The following LAMA2 variants were observed in gnomAD, a reference collection of about 807,000 sequenced individuals.
LAMA2 encodes laminin subunit alpha-2.
LAMA2 carries 269 observed loss-of-function variants against 364.8 expected under a neutral mutation model. That is an observed-to-expected ratio of 0.74 (90% CI 0.67 to 0.82). LAMA2 has a LOEUF of 0.82. Among genes scored for constraint, LAMA2 ranks in the 40% least tolerant of loss-of-function variants. The pLI, the probability that LAMA2 is intolerant of heterozygous loss-of-function variation, is 0.00. For synonymous variants in LAMA2, 1,379 were observed against 1,370.6 expected, an observed-to-expected ratio of 1.01 and a Z score of -0.14; for missense variants, 3,807 against 3,873.2, an observed-to-expected ratio of 0.98 and a Z score of 0.45.
intron 40 of LAMA2, among the ~76,000 whole-genome samples, chr6:129,408,406 C>T (rs1282546146): frequency 6.6e-6 from 1 of 152,172 alleles, no homozygotes; most frequent in East Asian, 1.9e-4. Flanking sequence ...TGAGCATGAG[C>T]CCAGTGCTGC....
At chr6:129,009,624 A>C (rs1460225672) in intron 1 of LAMA2, among the ~76,000 whole-genome samples, 1 of 152,224 alleles carries the variant, frequency 6.6e-6, no homozygotes, top group Non-Finnish European at 1.5e-5. Context: ...TCAGGGCCAG[A>C]GGACAAAAAC....
intron 8 of LAMA2, among the ~76,000 whole-genome samples, chr6:129,156,473 G>A (rs1779121006): frequency 6.7e-6 from 1 of 149,852 alleles, no homozygotes. Context: ...TAATGTAATT[G>A]TTAAAGAATT....
chr6:129,112,127 TATC>T (rs1393315626), intron 4 of LAMA2, among the ~76,000 whole-genome samples: 1 of 152,026 alleles, frequency 6.6e-6, no homozygotes, highest in Non-Finnish European at 1.5e-5. Flanking sequence ...TTACAGCACT[TATC>T]TACTACTCTC....
chr6:129,170,768 G>T (rs1451691000), intron 9 of LAMA2, among the ~76,000 whole-genome samples: 1 of 151,808 alleles, frequency 6.6e-6, no homozygotes, highest in Middle Eastern at 3.4e-3. Flanking sequence ...AATGTTGACA[G>T]TGGGGTGTTA....
chr6:129,286,976 A>AGG (rs1562418187), intron 18 of LAMA2, among the ~76,000 whole-genome samples: 2 of 107,478 alleles, frequency 1.9e-5, no homozygotes, highest in Non-Finnish European at 3.6e-5. Context: ...AAAGAAACAG[A>AGG]GAGGAAGGAA....
At position 129,119,350 on chromosome 6, in the gene LAMA2, T is replaced by A. The variant is rs142290982; in HGVS notation, c.639+20935T>A. On this transcript the variant is annotated intron_variant, in intron 4 of 64. Transcript: ENST00000421865. ...CACTGAAATGTAATTATACTGCAAA[T>A]TATTTATCATATCTCCACTGACGGT... is the stretch of plus-strand genomic sequence containing the variant. Among the ~76,000 whole-genome samples, 1,191 of 152,208 alleles carry A rather than the reference T, an allele frequency of 7.8e-3. 6 individuals are homozygous for A. The highest frequency in any genetic ancestry group is 0.011 in the Non-Finnish European group (769 of 67,988).
chr6:129,437,889 A>G (rs1228826425), intron 41 of LAMA2, among the ~76,000 whole-genome samples: 5 of 151,902 alleles, frequency 3.3e-5, no homozygotes, highest in Non-Finnish European at 5.9e-5. Flanking sequence ...ACTCGAATTT[A>G]AACTGCTTAG....
intron 1 of LAMA2, among the ~76,000 whole-genome samples, chr6:129,019,392 A>G (rs1785273632): frequency 6.6e-6 from 1 of 151,482 alleles, no homozygotes; most frequent in Non-Finnish European, 1.5e-5. Context: ...AACTCCCATG[A>G]GTCAAATTTT....
intron 19 of LAMA2, 102 bp from the exon 20 acceptor site, chr6:129,291,512 A>G: frequency 2.5e-6 from 2 of 808,928 alleles, no homozygotes; most frequent in Non-Finnish European, 4.2e-6. Flanking sequence ...CTGTTACTGA[A>G]CTTAGGCGTC....
chr6:129,034,857 A>G (rs1473321453), intron 1 of LAMA2, among the ~76,000 whole-genome samples: 1 of 152,044 alleles, frequency 6.6e-6, no homozygotes, highest in Non-Finnish European at 1.5e-5. Flanking sequence ...ACCACACCAC[A>G]TTTTCTTTGT....
Position 129,206,106 on chromosome 6 carries a change from GAGGAAGGAAGGAAGGA to G in LAMA2, c.1782+13299_1782+13314del, listed in dbSNP as rs71028149. ...GGAGGAAGGAAGGGAGGGAGGGAGG[GAGGAAGGAAGGAAGGA>G]AGGAAGGAAGGAAGGAAGGAAGGAA... On this transcript the variant is annotated intron_variant, in intron 12 of 64. Transcript: ENST00000421865. Among the ~76,000 whole-genome samples the G allele has an allele frequency of 5.7e-3, 541 of 94,618 alleles. 11 individuals carry two copies. The highest frequency in any genetic ancestry group is 0.018 in the African/African-American group (416 of 22,688). The allele number at this position is 94,618 out of a possible 152,430, so 62.1% of individuals were successfully genotyped here.
intron 1 of LAMA2, among the ~76,000 whole-genome samples, chr6:129,032,094 A>C (rs988133593): frequency 6.6e-5 from 10 of 152,204 alleles, no homozygotes; most frequent in Non-Finnish European, 1.0e-4. Flanking sequence ...CTGGGATTAC[A>C]GGCGTGAGCC....
chr6:129,304,359 G>T (rs1032491370), intron 22 of LAMA2, among the ~76,000 whole-genome samples: 5 of 152,080 alleles, frequency 3.3e-5, no homozygotes, highest in South Asian at 2.1e-4. Context: ...CGCCTCCCGG[G>T]TTCACGCCAT....
intron 12 of LAMA2, among the ~76,000 whole-genome samples, chr6:129,198,376 G>T (rs572271412): frequency 6.6e-6 from 1 of 152,288 alleles, no homozygotes; most frequent in African/African-American, 2.4e-5. Context: ...TTACAATCCA[G>T]ATGTGTCTAT....
chr6:129,255,197 G>C (rs1159945245), intron 14 of LAMA2, among the ~76,000 whole-genome samples: 2 of 151,850 alleles, frequency 1.3e-5, no homozygotes, highest in Non-Finnish European at 2.9e-5. Context: ...CACGAGGTCA[G>C]TTGTTCGAGA....
In LAMA2 at chr6:129,492,093, C is replaced by T. The variant is rs776913896; in HGVS notation, c.8075+16C>T. 5.9e-5 allele frequency: 94 copies of T among 1,602,948 alleles called. No homozygotes were observed. The Admixed American group carries it at 1.5e-3, about 26-fold the overall frequency. On this transcript the variant is annotated intron_variant, in intron 57 of 64. Transcript: ENST00000421865. The stretch of plus-strand genomic sequence containing the variant: ...TTAACTCTGTGTAAGTGGATCTCCT[C>T]ATTACTACTACTAATTTTTTATTTT...
intron 28 of LAMA2, 30 bp downstream of exon 28, chr6:129,320,685 C>T: frequency 8.4e-7 from 1 of 1,184,496 alleles, no homozygotes; most frequent in Non-Finnish European, 1.3e-6. Context: ...CCTGCTTAAT[C>T]TCAAGTCACT....
rs1436165325 is a variant in LAMA2 at position 129,252,276 on chromosome 6, G to C, written c.2077G>C (p.Gly693Arg). The change falls in exon 14 of 65, where the codon GGG becomes CGG. Residue 693 changes from glycine (G) to arginine (R), a missense_variant. Around this residue, in one of 3 missense-constraint regions of LAMA2, gnomAD observed 3,333 missense variants for 3,345.7 expected, o/e 1.00. Transcript: ENST00000421865. ...CCTCCTACAAATCACATACAGCTTT[G>C]GGATGGATGCCATCTTCAGGTAAAA... ...RVLLQITYSF[G>R]MDAIFRLSSV... 3 of 1,613,198 alleles carry C rather than the reference G, an allele frequency of 1.9e-6. No homozygotes were observed. In the South Asian group the frequency reaches 3.3e-5, roughly 18 times the overall value.
intron 1 of LAMA2, among the ~76,000 whole-genome samples, chr6:128,911,277 G>A (rs1777922614): frequency 6.6e-6 from 1 of 152,152 alleles, no homozygotes; most frequent in Non-Finnish European, 1.5e-5. Flanking sequence ...TGCTGTGCTA[G>A]CAATCAGTGA....
Sources: gnomAD v4.1 joint callset for allele counts (sites outside exome capture counted in the v4.1 genomes callset) on GRCh38, gnomAD v4.1.1 for gene constraint, gnomAD v4.1.1 regional missense constraint, MANE v1.5 for transcripts, NCBI Gene and HGNC (gene_info 2026-07-23, HGNC 2026-07-21) for gene names.